UNC80: variants seen among roughly 807,000 people sequenced by gnomAD.
UNC80 encodes protein unc-80 homolog.
Under a neutral mutation model 384.6 loss-of-function variants are expected in UNC80, and 164 were observed. The observed-to-expected ratio is 0.43, with a 90% CI of 0.38 to 0.49. The LOEUF is 0.49. Among genes scored for constraint, UNC80 ranks in the 20% least tolerant of loss-of-function variants. The pLI, the probability that UNC80 is intolerant of heterozygous loss-of-function variation, is 0.00. For synonymous variants in UNC80, 1,486 were observed against 1,527.8 expected (o/e 0.97, Z 0.64); for missense variants, 3,330 against 4,143.0 (o/e 0.80, Z 5.39).
At chr2:209,937,996 T>C (rs2091364042) in intron 42 of UNC80, among the ~76,000 whole-genome samples, 1 of 152,188 alleles carries the variant, frequency 6.6e-6, no homozygotes, top group Non-Finnish European at 1.5e-5. Context: ...TGGTTTACAC[T>C]AGCTGGCTAC....
At chr2:209,794,801 CT>C (rs1339937651) in intron 7 of UNC80, 13 of 454,898 alleles carry the variant, frequency 2.9e-5, no homozygotes, top group Non-Finnish European at 4.9e-5. Flanking sequence ...TAAGAAGCAC[CT>C]TTCACTTCCC....
chr2:209,911,642 A>G (rs1344032915), intron 29 of UNC80, among the ~76,000 whole-genome samples: 1 of 152,184 alleles, frequency 6.6e-6, no homozygotes, highest in Admixed American at 6.5e-5. Flanking sequence ...TAAGAAGTTC[A>G]GTTTTTTTTC....
At position 209,777,550 on chromosome 2, in the gene UNC80, C is replaced by G. The variant is rs2076933784; in HGVS notation, c.591C>G (p.His197Gln). The G allele has an allele frequency of 1.2e-6, 2 of 1,608,480 alleles. No individual in the cohort carries two copies. The highest frequency in any genetic ancestry group is 8.5e-7 in the Non-Finnish European group (1 of 1,177,036). ...LFVFLFAPLV[H>Q]RIKESDLTFR... is the part of the protein sequence containing the mutation. ...TGTTTCTGTTTGCTCCCCTGGTACA[C>G]AGGATCAAGGTAAGCAGAAACCCAG... Residue 197 changes from histidine to glutamine, a missense_variant, in exon 4 of 65, where the codon CAC becomes CAG. By Grantham distance (24) the His-to-Gln change is conservative. Around this residue, in one of 8 missense-constraint regions of UNC80, gnomAD observed 937 missense variants for 1,026.8 expected, o/e 0.91. Coordinates refer to ENST00000673920, the MANE Select transcript of UNC80 (RefSeq NM_001371986.1).
chr2:209,906,517 T>C (rs1224397669), intron 29 of UNC80, among the ~76,000 whole-genome samples: 1 of 152,108 alleles, frequency 6.6e-6, no homozygotes, highest in Non-Finnish European at 1.5e-5. Context: ...CTGTGGGGGC[T>C]CAGAAAGTTG....
intron 45 of UNC80, among the ~76,000 whole-genome samples, chr2:209,943,862 A>G (rs2091777516): frequency 6.6e-6 from 1 of 152,160 alleles, no homozygotes; most frequent in Non-Finnish European, 1.5e-5. Flanking sequence ...AGTCCTGGTT[A>G]CTTTGGGCCA....
At position 209,972,340 on chromosome 2, in the gene UNC80, C is replaced by T. The variant is rs1286693430; in HGVS notation, c.8380+16C>T. 1.3e-6 allele frequency: 2 copies of T among 1,548,184 alleles called. No homozygotes were observed. The highest frequency in any genetic ancestry group is 4.0e-5 in the Admixed American group (2 of 50,270). ...GGAAGCAAAGGTCTGATTAATTTAA[C>T]TAAAGGAAATTTATCATTGTTGTTG... On this transcript the variant is annotated intron_variant, in intron 55 of 64. Transcript: ENST00000673920.
At chr2:209,894,707 T>G (rs922379560) in intron 27 of UNC80, among the ~76,000 whole-genome samples, 4 of 152,208 alleles carry the variant, frequency 2.6e-5, no homozygotes. Flanking sequence ...ATGTGGAGTA[T>G]TCATTAGGGA....
chr2:209,856,237 A>C (rs1195167856), intron 22 of UNC80, among the ~76,000 whole-genome samples: 1 of 151,942 alleles, frequency 6.6e-6, no homozygotes, highest in Non-Finnish European at 1.5e-5. Context: ...TTTATTTACT[A>C]TTTCTGTTTC....
intron 22 of UNC80, among the ~76,000 whole-genome samples, chr2:209,864,018 G>A (rs545736131): frequency 2.4e-4 from 37 of 151,884 alleles, no homozygotes; most frequent in African/African-American, 8.9e-4. Flanking sequence ...TGGGGTTTTT[G>A]TGGGGGCTTT....
chr2:209,810,859 C>A (rs1373401432), intron 7 of UNC80, among the ~76,000 whole-genome samples: 1 of 152,018 alleles, frequency 6.6e-6, no homozygotes. Context: ...TTTCACAAAG[C>A]CTTGAGGACC....
chr2:209,778,129 G>A (rs188101200), intron 4 of UNC80, among the ~76,000 whole-genome samples: 78 of 152,244 alleles, frequency 5.1e-4, no homozygotes, highest in Middle Eastern at 3.4e-3. Context: ...TTAGCCAGGC[G>A]CGGTGGCTCA....
chr2:209,933,788 T>C (rs1343652458), intron 38 of UNC80, 34 bp from the exon 39 acceptor site: 20 of 1,507,854 alleles, frequency 1.3e-5, no homozygotes, highest in Non-Finnish European at 1.8e-5. Flanking sequence ...GGGATTATTG[T>C]AGCTTTGTGA....
intron 33 of UNC80, among the ~76,000 whole-genome samples, chr2:209,919,569 T>G (rs1207231260): frequency 6.6e-6 from 1 of 152,272 alleles, no homozygotes; most frequent in Non-Finnish European, 1.5e-5. Flanking sequence ...TATTCATACT[T>G]CTTTGAAAAA....
chr2:209,817,364 G>C (rs1169368137), intron 10 of UNC80, among the ~76,000 whole-genome samples: 1 of 151,988 alleles, frequency 6.6e-6, no homozygotes, highest in Non-Finnish European at 1.5e-5. Flanking sequence ...TTATTTCTTA[G>C]ATCATTCTAG....
chr2:209,825,569 T>C (rs997510666), intron 13 of UNC80, among the ~76,000 whole-genome samples: 4 of 152,202 alleles, frequency 2.6e-5, no homozygotes, highest in African/African-American at 7.2e-5. Context: ...ATAAAACTTA[T>C]TCGCTTTCAT....
chr2:209,871,992 C>G (rs1574833672), intron 22 of UNC80, among the ~76,000 whole-genome samples: 1 of 152,004 alleles, frequency 6.6e-6, no homozygotes, highest in South Asian at 2.1e-4. Context: ...AAGACTAACT[C>G]AGCAAGATTG....
rs1428215887 is a variant in UNC80 at position 209,881,019 on chromosome 2, G to A, written c.4035G>A (p.Gln1345=). 2 of 1,551,906 alleles carry A rather than the reference G, an allele frequency of 1.3e-6. No homozygotes were observed. The highest frequency in any genetic ancestry group is 1.7e-6 in the Non-Finnish European group (2 of 1,147,036). Residue 1345 remains glutamine (Q), a synonymous_variant, in exon 25 of 65, where the codon CAG becomes CAA. Transcript: ENST00000673920. Reference sequence around the variant, plus strand: ...TTGCCTTGAAGATGGCAGCATGTCAGCTTCTTCTGGAGATTACCACCTTCC... The same window carrying A: ...TTGCCTTGAAGATGGCAGCATGTCAACTTCTTCTGGAGATTACCACCTTCC... ...CPFALKMAAC[Q]LLLEITTFLR...
At chr2:209,845,593 G>T (rs769014095) in intron 21 of UNC80, among the ~76,000 whole-genome samples, 3 of 152,118 alleles carry the variant, frequency 2.0e-5, no homozygotes, top group Non-Finnish European at 4.4e-5. Context: ...CAATGAGTTT[G>T]TGTCAACAAT....
rs558851541 is a variant in UNC80, at chr2:209,849,007, G to T, written c.3455-444G>T. On this transcript the variant is annotated intron_variant, in intron 21 of 64. Coordinates refer to ENST00000673920, the MANE Select transcript of UNC80 (RefSeq NM_001371986.1). ...TTTCACCACAGTGCTGTACCAATTT[G>T]TACAGCATGCTGTACCCAATGTACA... 6.6e-5 allele frequency among the ~76,000 whole-genome samples: 10 copies of T among 152,158 alleles called. No homozygotes were observed. The South Asian group carries it at 2.1e-3, about 32-fold the overall frequency.
Sources: gnomAD v4.1 joint callset for allele counts (sites outside exome capture counted in the v4.1 genomes callset) on GRCh38, gnomAD v4.1.1 for gene constraint, gnomAD v4.1.1 regional missense constraint, MANE v1.5 for transcripts, NCBI Gene and HGNC (gene_info 2026-07-23, HGNC 2026-07-21) for gene names.